Variants in KAZN observed in about 807,000 individuals in gnomAD.
KAZN encodes the protein kazrin, periplakin interacting protein.
A neutral mutation model predicts 87.4 loss-of-function variants in KAZN; 40 were observed. The observed-to-expected ratio is 0.46, with a 90% CI of 0.36 to 0.60. The LOEUF (loss-of-function observed/expected upper bound fraction) is 0.60. Ranked by LOEUF, KAZN falls within the 20% of genes least tolerant of loss-of-function variation. KAZN has a pLI of 0.00. For synonymous variants in KAZN, 466 were observed against 458.3 expected, an observed-to-expected ratio of 1.02 and a Z score of -0.22; for missense variants, 898 against 1,073.9, an observed-to-expected ratio of 0.84 and a Z score of 2.29.
At chr1:14,016,607 T>G (rs1355838173) in intron 1 of KAZN, among the ~76,000 whole-genome samples, 6 of 152,290 alleles carry the variant, frequency 3.9e-5, no homozygotes, top group African/African-American at 1.4e-4. Flanking sequence ...GGAGGCTCAC[T>G]TTGGGATGCA....
chr1:14,513,341 G>A (rs754051620), intron 2 of KAZN, among the ~76,000 whole-genome samples: 2 of 152,118 alleles, frequency 1.3e-5, no homozygotes, highest in African/African-American at 2.4e-5. Context: ...TCAAGTTACC[G>A]ATAAATCCCC....
At chr1:14,536,324 G>A (rs775198321) in intron 2 of KAZN, among the ~76,000 whole-genome samples, 8 of 152,240 alleles carry the variant, frequency 5.3e-5, no homozygotes, top group Non-Finnish European at 8.8e-5. Context: ...AGCTGCTCAT[G>A]TGAATGTCCC....
chr1:14,748,347 C>G (rs1411086638), intron 1 of KAZN, among the ~76,000 whole-genome samples: 1 of 152,204 alleles, frequency 6.6e-6, no homozygotes, highest in African/African-American at 2.4e-5. Flanking sequence ...GGCGTTTCCT[C>G]TGGGGATATA....
At position 14,592,896 on chromosome 1, in the gene KAZN, G is replaced by A. The variant is rs894010052; in HGVS notation, c.250-6087G>A. Among the ~76,000 whole-genome samples, 6 of 152,178 alleles carry A rather than the reference G, an allele frequency of 3.9e-5. No homozygotes were observed. In the South Asian group the frequency reaches 8.3e-4, roughly 21 times the overall value. On this transcript the variant is annotated intron_variant, in intron 2 of 16. Transcript: ENST00000636203. ...TTACCAGGTGGAATGCATGAATGCC[G>A]CCTCTGGTCTCTGAGCTAGGCAGAA...
At chr1:15,082,626 C>T (rs549770115) in intron 8 of KAZN, among the ~76,000 whole-genome samples, 8 of 152,334 alleles carry the variant, frequency 5.3e-5, no homozygotes, top group Admixed American at 2.0e-4. Context: ...CCCTCTCACT[C>T]GCCATGCAGG....
chr1:14,483,752 C>T (rs1028459678), intron 2 of KAZN, among the ~76,000 whole-genome samples: 1 of 152,164 alleles, frequency 6.6e-6, no homozygotes, highest in African/African-American at 2.4e-5. Flanking sequence ...CTTTGCTGTA[C>T]AGAGACTTTT....
chr1:14,324,650 A>C (rs1445164190), intron 2 of KAZN, among the ~76,000 whole-genome samples: 3 of 152,058 alleles, frequency 2.0e-5, no homozygotes, highest in African/African-American at 2.4e-5. Context: ...CATTCTACCA[A>C]GTTTCTGCAA....
chr1:14,446,988 G>T (rs1288587987), intron 2 of KAZN, among the ~76,000 whole-genome samples: 1 of 152,028 alleles, frequency 6.6e-6, no homozygotes, highest in Non-Finnish European at 1.5e-5. Context: ...CTGAGGTTTG[G>T]GGTACAAATC....
Position 14,060,317 on chromosome 1 carries a change from C to G in KAZN, c.92-120118C>G, listed in dbSNP as rs191411304. 1.0e-3 allele frequency among the ~76,000 whole-genome samples: 150 copies of G among 145,372 alleles called. 1 individual carries two copies. Among genetic ancestry groups the G allele is most frequent in the African/African-American group, 3.5e-3 (135 of 38,908 alleles). ...GGCGGAGCTTACAGTGAGCCGAGAT[C>G]GCGCCACTGCAGTCCAGCCTGGGCG... On this transcript the variant is annotated intron_variant, in intron 1 of 16. Coordinates refer to the KAZN transcript ENST00000636203.
chr1:13,942,568 AAAAATGTATATAT>A (rs1640977319), intron 1 of KAZN, among the ~76,000 whole-genome samples: 1 of 125,210 alleles, frequency 8.0e-6, no homozygotes, highest in Non-Finnish European at 1.8e-5. Flanking sequence ...AAAAAAAAAA[AAAAATGTATATAT>A]ATAATTCACC....
intron 2 of KAZN, among the ~76,000 whole-genome samples, chr1:14,461,049 C>T (rs761141095): frequency 3.3e-5 from 5 of 152,128 alleles, no homozygotes; most frequent in African/African-American, 9.7e-5. Context: ...TTTTATCTGT[C>T]GCTATGGTGG....
intron 1 of KAZN, among the ~76,000 whole-genome samples, chr1:13,994,545 G>A (rs1639423538): frequency 6.6e-6 from 1 of 152,202 alleles, no homozygotes. Context: ...TTGGAGCTGG[G>A]CACTGTGCTG....
At chr1:14,061,647 G>A (rs925826754) in intron 1 of KAZN, among the ~76,000 whole-genome samples, 4 of 152,154 alleles carry the variant, frequency 2.6e-5, no homozygotes, top group East Asian at 1.9e-4. Context: ...CTTCCCCAAC[G>A]GCAAAAGAAA....
intron 1 of KAZN, among the ~76,000 whole-genome samples, chr1:14,012,275 G>A (rs1426586029): frequency 6.6e-6 from 1 of 152,188 alleles, no homozygotes; most frequent in Non-Finnish European, 1.5e-5. Context: ...TGGTATTTGA[G>A]TTAACAGAAC....
chr1:14,138,761 C>T (rs1259366750), intron 1 of KAZN, among the ~76,000 whole-genome samples: 4 of 152,232 alleles, frequency 2.6e-5, no homozygotes, highest in Admixed American at 1.3e-4. Flanking sequence ...TGTGTTCATG[C>T]TTTCTTTTCC....
At chr1:14,002,598 T>C (rs1639848160) in intron 1 of KAZN, among the ~76,000 whole-genome samples, 1 of 152,138 alleles carries the variant, frequency 6.6e-6, no homozygotes, top group African/African-American at 2.4e-5. Flanking sequence ...ATCAGCCGTG[T>C]GAAAATGAAC....
intron 2 of KAZN, among the ~76,000 whole-genome samples, chr1:14,418,753 C>G (rs1332500924): frequency 6.6e-6 from 1 of 152,332 alleles, no homozygotes; most frequent in African/African-American, 2.4e-5. Context: ...AGGACTCTCC[C>G]TAGCTCTGAA....
At position 14,362,395 on chromosome 1, in the gene KAZN, G is replaced by C. The variant is rs552329654; in HGVS notation, c.249+181803G>C. Among the ~76,000 whole-genome samples the C allele has an allele frequency of 3.9e-5, 6 of 152,340 alleles. No individual in the cohort carries two copies. The South Asian group carries it at 1.2e-3, about 32-fold the overall frequency. On this transcript the variant is annotated intron_variant, in intron 2 of 16. Transcript: ENST00000636203. Reference sequence around the variant, plus strand: ...TTGCTTTTTCAAAGCCAATAAGAGAGAGACTCTTAGCCTGACAAACATTGC... The same window carrying C: ...TTGCTTTTTCAAAGCCAATAAGAGACAGACTCTTAGCCTGACAAACATTGC...
At chr1:14,943,862 A>G (rs1477682927) in intron 1 of KAZN, among the ~76,000 whole-genome samples, 2 of 151,972 alleles carry the variant, frequency 1.3e-5, no homozygotes, top group African/African-American at 4.9e-5. Context: ...ACCTGAGGTC[A>G]GGAGTTTGAG....
Sources: allele counts gnomAD v4.1 joint callset (sites outside exome capture counted in the v4.1 genomes callset), GRCh38; gene constraint gnomAD v4.1.1; transcripts MANE v1.5; gene names NCBI Gene and HGNC (gene_info 2026-07-23, HGNC 2026-07-21).